SUSD4: variants seen among roughly 807,000 people sequenced by gnomAD.
SUSD4 encodes the protein sushi domain containing 4.
Under a neutral mutation model 50.5 loss-of-function variants are expected in SUSD4, and 41 were observed. The observed-to-expected ratio is 0.81, with a 90% CI of 0.63 to 1.05. SUSD4 has a LOEUF of 1.05. Among genes scored for constraint, SUSD4 ranks in the 50% least tolerant of loss-of-function variants. The probability of loss-of-function intolerance (pLI) is 0.00; values close to 1 mark genes in which losing one functional copy is unlikely to be tolerated. For synonymous variants in SUSD4, 257 were observed against 257.3 expected, an observed-to-expected ratio of 1.00 and a Z score of 0.01; for missense variants, 580 against 634.7, an observed-to-expected ratio of 0.91 and a Z score of 0.93.
At chr1:223,244,112 T>G (rs538933275) in intron 5 of SUSD4, among the ~76,000 whole-genome samples, 1 of 152,292 alleles carries the variant, frequency 6.6e-6, no homozygotes, top group East Asian at 1.9e-4. Flanking sequence ...TAGCACAATC[T>G]CACACACACA....
rs986533319 is a variant in SUSD4 at position 223,305,267 on chromosome 1, T to C, written c.149-12616A>G. Among the ~76,000 whole-genome samples the C allele has an allele frequency of 1.9e-4, 29 of 152,084 alleles. 1 individual carries two copies. The highest frequency in any genetic ancestry group is 6.5e-4 in the African/African-American group (27 of 41,410). ...TCCTGAGGGAAGCTCTCCACTGGTC[T>C]CTTTGGGGGTGTGCAATCAAGCTTC... On this transcript the variant is annotated intron_variant, in intron 2 of 8. Transcript: ENST00000366878.
chr1:223,323,205 G>A (rs1666683246), intron 2 of SUSD4, among the ~76,000 whole-genome samples: 1 of 151,010 alleles, frequency 6.6e-6, no homozygotes, highest in Non-Finnish European at 1.5e-5. Flanking sequence ...GGAAGGAGGG[G>A]GATGGAAGGA....
At chr1:223,308,834 C>G (rs1488109253) in intron 2 of SUSD4, among the ~76,000 whole-genome samples, 1 of 152,076 alleles carries the variant, frequency 6.6e-6, no homozygotes, top group African/African-American at 2.4e-5. Flanking sequence ...TACTTTGCCC[C>G]CTACTACTGG....
At chr1:223,265,199 T>C (rs370974440) in intron 4 of SUSD4, among the ~76,000 whole-genome samples, 2 of 152,044 alleles carry the variant, frequency 1.3e-5, no homozygotes, top group East Asian at 3.9e-4. Flanking sequence ...TGAGGACAGG[T>C]TGAGAATCAC....
chr1:223,252,828 G>A (rs1342270292), intron 5 of SUSD4, among the ~76,000 whole-genome samples: 2 of 151,986 alleles, frequency 1.3e-5, no homozygotes, highest in East Asian at 1.9e-4. Context: ...GGGGCCGGGC[G>A]CAGAGGCTCA....
chr1:223,317,076 T>G (rs952891786), intron 2 of SUSD4, among the ~76,000 whole-genome samples: 1 of 152,208 alleles, frequency 6.6e-6, no homozygotes, highest in African/African-American at 2.4e-5. Flanking sequence ...CCTACTGGGC[T>G]GCATTCCCAG....
intron 5 of SUSD4, chr1:223,263,468 G>A (rs1662263159): frequency 1.2e-6 from 1 of 815,082 alleles, no homozygotes; most frequent in Non-Finnish European, 1.5e-6. Context: ...TGTGTATCCT[G>A]TATTTTATCT....
At chr1:223,292,021 T>G (rs917554785) in intron 3 of SUSD4, among the ~76,000 whole-genome samples, 5 of 152,196 alleles carry the variant, frequency 3.3e-5, no homozygotes, top group African/African-American at 1.2e-4. Flanking sequence ...ACAGAACTGA[T>G]AAGTAGTAAT....
chr1:223,315,727 A>G (rs546438402), intron 2 of SUSD4, among the ~76,000 whole-genome samples: 1 of 152,310 alleles, frequency 6.6e-6, no homozygotes, highest in South Asian at 2.1e-4. Context: ...ATCTGAAAAA[A>G]AAATTTTTCC....
At chr1:223,284,174 T>C (rs1271661600) in intron 3 of SUSD4, among the ~76,000 whole-genome samples, 1 of 152,140 alleles carries the variant, frequency 6.6e-6, no homozygotes, top group Non-Finnish European at 1.5e-5. Flanking sequence ...GGCACATGTA[T>C]ACATATGTAA....
Position 223,229,290 on chromosome 1 carries a change from C to G in SUSD4, c.823G>C (p.Asp275His), listed in dbSNP as rs141716617. 258 of 1,613,246 alleles carry G rather than the reference C, an allele frequency of 1.6e-4. No homozygotes were observed. The highest frequency in any genetic ancestry group is 2.0e-4 in the Non-Finnish European group (241 of 1,179,442). ...NHGTVVEFYC[D>H]PGYSLTSDYK... is the part of the protein sequence containing the mutation. ...TCGCTGGTGAGGCTGTAGCCAGGATCGCAGTAAAACTCCACCACAGTTCCG... is the reference window on the plus strand; with the variant it reads ...TCGCTGGTGAGGCTGTAGCCAGGATGGCAGTAAAACTCCACCACAGTTCCG... The change falls in exon 6 of 9, where the codon GAT becomes CAT. Residue 275 changes from aspartate (D) to histidine (H), a missense_variant. Asp to His is a moderately conservative substitution (Grantham distance 81, BLOSUM62 -1). Coordinates refer to ENST00000366878, the MANE Select transcript of SUSD4 (RefSeq NM_017982.4). This position sits in a 1 kb window ranked among gnomAD's most constrained non-coding sequence, Gnocchi z 4.7.
At chr1:223,330,141 G>A (rs1308450381) in intron 2 of SUSD4, among the ~76,000 whole-genome samples, 1 of 152,112 alleles carries the variant, frequency 6.6e-6, no homozygotes. Flanking sequence ...AAAGCAACTC[G>A]CATTCATTCT....
chr1:223,326,055 C>G (rs1431851799), intron 2 of SUSD4, among the ~76,000 whole-genome samples: 1 of 151,900 alleles, frequency 6.6e-6, no homozygotes, highest in African/African-American at 2.4e-5. Flanking sequence ...AAGAGCCCAG[C>G]ATAAAGAACA....
intron 2 of SUSD4, among the ~76,000 whole-genome samples, chr1:223,309,590 CTAGAT>C: frequency 6.6e-6 from 1 of 152,236 alleles, no homozygotes; most frequent in South Asian, 2.1e-4. Flanking sequence ...AAGATGCTGG[CTAGAT>C]TATATTTAAT....
At chr1:223,225,752 C>T (rs1048697491) in intron 7 of SUSD4, among the ~76,000 whole-genome samples, 5 of 152,162 alleles carry the variant, frequency 3.3e-5, no homozygotes, top group African/African-American at 1.2e-4. Flanking sequence ...CTCACCCTAA[C>T]AGTCCACACC....
chr1:223,291,828 T>C (rs1230632732), intron 3 of SUSD4, among the ~76,000 whole-genome samples: 1 of 152,012 alleles, frequency 6.6e-6, no homozygotes, highest in Non-Finnish European at 1.5e-5. Flanking sequence ...CTACATAAAG[T>C]AAAAACAAAA....
In SUSD4 at chr1:223,332,555, A is replaced by C. The variant is rs1667232476; in HGVS notation, c.148+30723T>G. 6.6e-6 allele frequency among the ~76,000 whole-genome samples: 1 copy of C among 152,224 alleles called. No homozygotes were observed. On this transcript the variant is annotated intron_variant, in intron 2 of 8. Transcript: ENST00000366878. This position sits in a 1 kb window ranked among gnomAD's most constrained non-coding sequence, Gnocchi z 4.0. ...CTGTCCATTTAAACTAGAAGTCGTT[A>C]GCTATTTTTAATGCTGTAATTTGGA...
intron 2 of SUSD4, among the ~76,000 whole-genome samples, chr1:223,356,382 T>G (rs955318819): frequency 6.6e-6 from 1 of 152,086 alleles, no homozygotes; most frequent in African/African-American, 2.4e-5. Flanking sequence ...GGGGAACTTC[T>G]ACACACATTC....
intron 3 of SUSD4, among the ~76,000 whole-genome samples, chr1:223,282,217 T>C (rs1451770566): frequency 6.6e-6 from 1 of 152,124 alleles, no homozygotes; most frequent in African/African-American, 2.4e-5. Flanking sequence ...CTATTCAACA[T>C]AGTGTTGGAA....
Sources: gnomAD v4.1 joint callset for allele counts (sites outside exome capture counted in the v4.1 genomes callset) on GRCh38, gnomAD v4.1.1 for gene constraint, Gnocchi (gnomAD v3.1) non-coding constraint, MANE v1.5 for transcripts, NCBI Gene and HGNC (gene_info 2026-07-23, HGNC 2026-07-21) for gene names.